Variants in KIF26B observed in about 807,000 individuals in gnomAD.
The protein encoded by KIF26B is kinesin-like protein KIF26B.
Under a neutral mutation model 151.2 loss-of-function variants are expected in KIF26B, and 63 were observed. The ratio of observed to expected loss-of-function variants is 0.42; its 90% CI spans 0.34 to 0.51. The LOEUF is 0.51. Among genes scored for constraint, KIF26B ranks in the 20% least tolerant of loss-of-function variants. The pLI is 0.07. For missense variants in KIF26B, 2,813 were observed against 2,913.6 expected, an observed-to-expected ratio of 0.97 and a Z score of 0.79; for synonymous variants, 1,357 against 1,262.1, an observed-to-expected ratio of 1.08 and a Z score of -1.59.
chr1:245,367,477 C>T lies in KIF26B; in HGVS notation c.999+110C>T, dbSNP rs183548042. Reference sequence around the variant, plus strand: ...TCCCGGGAACCCTGTAACTCAGAGCCCAGTGTTTCCATGTGGCCCCCACAG... The same window carrying T: ...TCCCGGGAACCCTGTAACTCAGAGCTCAGTGTTTCCATGTGGCCCCCACAG... On this transcript the variant is annotated intron_variant, in intron 3 of 14. Coordinates refer to ENST00000407071, the MANE Select transcript of KIF26B (RefSeq NM_018012.4). This position sits in a 1 kb window ranked among gnomAD's most constrained non-coding sequence, Gnocchi z 4.2. The T allele has an allele frequency of 9.8e-5, 101 of 1,034,072 alleles. No homozygotes were observed. The highest frequency in any genetic ancestry group is 5.1e-5 in the Non-Finnish European group (37 of 727,696). The allele number at this position is 1,034,072 out of a possible 1,614,324, so 64.1% of individuals were successfully genotyped here. A position where few individuals can be genotyped will look rare whatever the true frequency, so the allele number is the denominator to read the frequency against.
chr1:245,159,816 T>A (rs976087225), intron 2 of KIF26B, among the ~76,000 whole-genome samples: 1 of 152,134 alleles, frequency 6.6e-6, no homozygotes, highest in Non-Finnish European at 1.5e-5. Context: ...AGTGCCTGGC[T>A]CTGGTGGCCT....
At chr1:245,400,412 T>C (rs761680489) in intron 3 of KIF26B, among the ~76,000 whole-genome samples, 5 of 152,062 alleles carry the variant, frequency 3.3e-5, no homozygotes, top group Non-Finnish European at 5.9e-5. Flanking sequence ...TTTCTGAGTT[T>C]CTAGTATTCT....
rs1379348771 is a variant in KIF26B at position 245,441,904 on chromosome 1, A to G, written c.1166+22159A>G. On this transcript the variant is annotated intron_variant, in intron 4 of 14. Coordinates refer to ENST00000407071, the MANE Select transcript of KIF26B (RefSeq NM_018012.4). ...ATCTGCTTCCTGTCCCTGGAAGTGC[A>G]CAGAATCCACAGACACTGGCAGACG... Among the ~76,000 whole-genome samples, 4 of 152,110 alleles carry G rather than the reference A, an allele frequency of 2.6e-5. No individual in the cohort carries two copies. The East Asian group carries it at 5.8e-4, about 22-fold the overall frequency.
At position 245,475,096 on chromosome 1, in the gene KIF26B, C is replaced by A. The variant is rs768900775; in HGVS notation, c.1166+55351C>A. Among the ~76,000 whole-genome samples, 282 of 151,906 alleles carry A rather than the reference C, an allele frequency of 1.9e-3. 8 individuals carry two copies. Among genetic ancestry groups the A allele is most frequent in the Non-Finnish European group, 2.5e-3 (170 of 67,822 alleles). On this transcript the variant is annotated intron_variant, in intron 4 of 14. Coordinates refer to ENST00000407071, the MANE Select transcript of KIF26B (RefSeq NM_018012.4). Reference sequence around the variant, plus strand: ...TTGAGTAGAGTGCTACCAATATGCCCATTCAGAATGAAAAACTCTGACAAA... The same window carrying A: ...TTGAGTAGAGTGCTACCAATATGCCAATTCAGAATGAAAAACTCTGACAAA...
chr1:245,386,688 C>T (rs1415670846), intron 3 of KIF26B, among the ~76,000 whole-genome samples: 1 of 152,210 alleles, frequency 6.6e-6, no homozygotes, highest in Non-Finnish European at 1.5e-5. Flanking sequence ...CTCCTATTTA[C>T]AGCTCTCCAT....
At chr1:245,334,355 G>A (rs1672180745) in intron 2 of KIF26B, among the ~76,000 whole-genome samples, 1 of 152,206 alleles carries the variant, frequency 6.6e-6, no homozygotes, top group South Asian at 2.1e-4. Context: ...ACTCTGTTCA[G>A]TCCTTGTATC....
At chr1:245,373,054 C>T (rs1673165195) in intron 3 of KIF26B, among the ~76,000 whole-genome samples, 1 of 152,204 alleles carries the variant, frequency 6.6e-6, no homozygotes, top group Non-Finnish European at 1.5e-5. Context: ...GAGGAGAAAC[C>T]TGAGGCTGAG....
chr1:245,156,709 GGA>G, intron 2 of KIF26B, 26 bp downstream of exon 2: 6 of 1,372,956 alleles, frequency 4.4e-6, no homozygotes, highest in African/African-American at 3.1e-5. Flanking sequence ...GGCTGGCTGG[GGA>G]GGCGCCGGGA....
At chr1:245,473,954 A>G (rs1659972709) in intron 4 of KIF26B, among the ~76,000 whole-genome samples, 1 of 151,860 alleles carries the variant, frequency 6.6e-6, no homozygotes, top group Non-Finnish European at 1.5e-5. Flanking sequence ...ATATCATTGT[A>G]AAGATCCAAT....
At chr1:245,430,764 C>G (rs1248870470) in intron 4 of KIF26B, among the ~76,000 whole-genome samples, 1 of 152,146 alleles carries the variant, frequency 6.6e-6, no homozygotes, top group African/African-American at 2.4e-5. Context: ...TCTTCAGAAG[C>G]CCCCATGAGT....
At chr1:245,553,964 C>T (rs1036357450) in intron 5 of KIF26B, among the ~76,000 whole-genome samples, 8 of 152,158 alleles carry the variant, frequency 5.3e-5, no homozygotes, top group East Asian at 1.9e-4. Flanking sequence ...TGGAACCCAT[C>T]GTGGCTTTCT....
intron 2 of KIF26B, among the ~76,000 whole-genome samples, chr1:245,326,055 C>A (rs1671985457): frequency 6.6e-6 from 1 of 152,148 alleles, no homozygotes; most frequent in African/African-American, 2.4e-5. Flanking sequence ...CTCCACTCCC[C>A]CTACTCAGAC....
At chr1:245,482,053 C>G (rs1285612281) in intron 4 of KIF26B, among the ~76,000 whole-genome samples, 1 of 151,708 alleles carries the variant, frequency 6.6e-6, no homozygotes, top group Middle Eastern at 3.2e-3. Context: ...TGGAGATGGT[C>G]AGGTAGGCAA....
intron 2 of KIF26B, among the ~76,000 whole-genome samples, chr1:245,188,445 C>T (rs891213016): frequency 1.3e-5 from 2 of 152,114 alleles, no homozygotes; most frequent in African/African-American, 4.8e-5. Flanking sequence ...TACTTTCCTA[C>T]CATCATGTTT....
intron 2 of KIF26B, among the ~76,000 whole-genome samples, chr1:245,228,012 C>T (rs1431889932): frequency 6.6e-6 from 1 of 151,846 alleles, no homozygotes; most frequent in Non-Finnish European, 1.5e-5. Context: ...CAAAACAAAA[C>T]AAACACACTG....
At chr1:245,694,541 G>C (rs766331860) in intron 12 of KIF26B, among the ~76,000 whole-genome samples, 4 of 152,228 alleles carry the variant, frequency 2.6e-5, no homozygotes, top group Non-Finnish European at 4.4e-5. Context: ...AGCATCTGCA[G>C]ACTCGTGTGG....
intron 5 of KIF26B, among the ~76,000 whole-genome samples, chr1:245,596,179 G>A (rs1415972614): frequency 1.3e-5 from 2 of 152,078 alleles, no homozygotes; most frequent in African/African-American, 4.8e-5. Flanking sequence ...TCTGATCTTA[G>A]TTATTTCTTG....
intron 4 of KIF26B, among the ~76,000 whole-genome samples, chr1:245,511,596 G>A (rs918254733): frequency 5.3e-5 from 8 of 152,162 alleles, no homozygotes; most frequent in Non-Finnish European, 7.4e-5. Flanking sequence ...TTGTTTGTTT[G>A]TTTGTTTGTT....
chr1:245,474,702 C>A (rs1259308473), intron 4 of KIF26B, among the ~76,000 whole-genome samples: 1 of 151,712 alleles, frequency 6.6e-6, no homozygotes, highest in Non-Finnish European at 1.5e-5. Context: ...CGTGAGCCAC[C>A]GCACGCAGCC....
Sources: allele counts gnomAD v4.1 joint callset (sites outside exome capture counted in the v4.1 genomes callset), GRCh38; gene constraint gnomAD v4.1.1; non-coding constraint Gnocchi (gnomAD v3.1); transcripts MANE v1.5; gene names NCBI Gene and HGNC (gene_info 2026-07-23, HGNC 2026-07-21).